IZUMO1R: variants seen among roughly 807,000 people sequenced by gnomAD.
The protein encoded by IZUMO1R is sperm-egg fusion protein Juno.
IZUMO1R carries 24 observed loss-of-function variants against 22.1 expected under a neutral mutation model. That is an observed-to-expected ratio of 1.09 (90% confidence interval 0.79 to 1.53). The LOEUF (loss-of-function observed/expected upper bound fraction) is 1.53, where lower values mean the gene tolerates loss of function less well. IZUMO1R is among the 40% of genes most tolerant of loss of function. The pLI is 0.00. For synonymous variants in IZUMO1R, 133 were observed against 121.2 expected (o/e 1.10, Z -0.64); for missense variants, 308 against 314.9 (o/e 0.98, Z 0.17).
At position 94,307,306 on chromosome 11, in the gene IZUMO1R, T is replaced by C; in HGVS notation, c.484+6T>C. 1.2e-6 allele frequency: 2 copies of C among 1,612,630 alleles called. No homozygotes were observed. Among genetic ancestry groups the C allele is most frequent in the Non-Finnish European group, 1.7e-6 (2 of 1,179,422 alleles). ...TGGCTGGGACTGGAGTCAGGGTGAGTGGTGCTGACAAGGCCTTGGTCGGGA... is the reference window on the plus strand; with the variant it reads ...TGGCTGGGACTGGAGTCAGGGTGAGCGGTGCTGACAAGGCCTTGGTCGGGA... On this transcript the variant is annotated splice_donor_region_variant and intron_variant, in intron 4 of 4. Coordinates refer to ENST00000687084, the MANE Select transcript of IZUMO1R (RefSeq NM_001199206.4).
In IZUMO1R at chr11:94,307,465, T is replaced by C. The variant is rs2134630232; in HGVS notation, c.526T>C (p.Ser176Pro). 1.9e-6 allele frequency: 3 copies of C among 1,613,872 alleles called. No individual in the cohort carries two copies. Among genetic ancestry groups the C allele is most frequent in the Middle Eastern group, 3.3e-4 (2 of 6,062 alleles). The change falls in exon 5 of 5, where the codon TCC becomes CCC. Residue 176 changes from serine to proline, a missense_variant. By Grantham distance (74) the Ser-to-Pro change is moderately conservative. Transcript: ENST00000687084. The stretch of plus-strand genomic sequence containing the variant: ...CAAAGGGGCCCAGTGCCTCCCTTTC[T>C]CCCATTACTTCCCCACCCCAGCTGA... ...CPKGAQCLPF[S>P]HYFPTPADLC...
Position 94,308,122 on chromosome 11 carries a change from T to C in IZUMO1R, c.*430T>C, listed in dbSNP as rs1020273172. Among the ~76,000 whole-genome samples the C allele has an allele frequency of 6.6e-6, 1 of 151,856 alleles. No homozygotes were observed. The highest frequency in any genetic ancestry group is 1.5e-5 in the Non-Finnish European group (1 of 67,994). ...TGGCCTCCCATCCTCCGACGGTGTC[T>C]TCAATAAATCGGCACTCAACCTCTC... On this transcript the variant is annotated 3_prime_UTR_variant, in exon 5 of 5. Coordinates refer to ENST00000687084, the MANE Select transcript of IZUMO1R (RefSeq NM_001199206.4).
rs749623601 is a variant in IZUMO1R at position 94,306,700 on chromosome 11, C to T, written c.326C>T (p.Pro109Leu). The change falls in exon 3 of 5, where the codon CCA (proline) becomes CTA (leucine). Residue 109 changes from proline (P) to leucine (L), a missense_variant. Physicochemically the swap from Pro to Leu is moderately conservative, Grantham distance 98. Coordinates refer to ENST00000687084, the MANE Select transcript of IZUMO1R (RefSeq NM_001199206.4). ...CSPNLGPWIQ[P>L]VGSLGWEVAP... ...CCAAACCTGGGGCCCTGGATCCAGC[C>T]AGTGGGAAGCCTGGGGTGGGAGGTA... 14 of 1,613,856 alleles carry T rather than the reference C, an allele frequency of 8.7e-6. No homozygotes were observed. The highest frequency in any genetic ancestry group is 1.6e-4 in the Middle Eastern group (1 of 6,082).
chr11:94,306,473 C>T (rs964393564), intron 2 of IZUMO1R, 40 bp from the exon 3 acceptor site: 1 of 1,583,562 alleles, frequency 6.3e-7, no homozygotes. Flanking sequence ...CGATCCTTGC[C>T]CCTTTTGCCT....
At chr11:94,305,883 G>T (rs1306643664) in intron 2 of IZUMO1R, 109 bp downstream of exon 2, 4 of 1,305,610 alleles carry the variant, frequency 3.1e-6, no homozygotes, top group Non-Finnish European at 4.2e-6. Flanking sequence ...CCTGGGGTTA[G>T]GAGTTAAGCA....
chr11:94,304,737 G>C lies in IZUMO1R; in HGVS notation c.-149G>C, dbSNP rs1943997330. On this transcript the variant is annotated 5_prime_UTR_variant, in exon 1 of 5. Coordinates refer to ENST00000687084, the MANE Select transcript of IZUMO1R (RefSeq NM_001199206.4). ...GGGTGAGACAGATGCTGTTTAATGA[G>C]AGCCACGTGGAGTTCTCCTCCTGCA... 6.6e-6 allele frequency among the ~76,000 whole-genome samples: 1 copy of C among 152,082 alleles called. No individual in the cohort carries two copies. The highest frequency in any genetic ancestry group is 1.5e-5 in the Non-Finnish European group (1 of 68,022).
chr11:94,307,728 C>A lies in IZUMO1R; in HGVS notation c.*36C>A. On this transcript the variant is annotated 3_prime_UTR_variant, in exon 5 of 5. Coordinates refer to ENST00000687084, the MANE Select transcript of IZUMO1R (RefSeq NM_001199206.4). ...TCTCCCACTCACATTCCTGCATGTC[C>A]ACCAACTGTGGGTCAGGCCAGGCCA... 6.2e-7 allele frequency: 1 copy of A among 1,605,210 alleles called. No individual in the cohort carries two copies. The highest frequency in any genetic ancestry group is 8.5e-7 in the Non-Finnish European group (1 of 1,173,896).
chr11:94,307,420 G>T lies in IZUMO1R; in HGVS notation c.485-4G>T, dbSNP rs751969268. On this transcript the variant is annotated splice_region_variant and splice_polypyrimidine_tract_variant and intron_variant, in intron 4 of 4. Transcript: ENST00000687084. ...GTAAGCTGTCCCTCCTCCATCCCCT[G>T]CAGGGAAGAACCGCTGCCCCAAAGG... 2.5e-6 allele frequency: 4 copies of T among 1,613,788 alleles called. No individual in the cohort carries two copies. The highest frequency in any genetic ancestry group is 3.4e-6 in the Non-Finnish European group (4 of 1,179,790).
At chr11:94,305,556 C>T (rs2134627814) in intron 1 of IZUMO1R, 75 bp from the exon 2 acceptor site, 1 of 1,550,240 alleles carries the variant, frequency 6.5e-7, no homozygotes, top group Non-Finnish European at 8.8e-7. Flanking sequence ...TCCCCCTTTC[C>T]CAGTGCCTGC....
chr11:94,306,464 G>C, intron 2 of IZUMO1R, 49 bp from the exon 3 acceptor site: 1 of 1,564,962 alleles, frequency 6.4e-7, no homozygotes, highest in Non-Finnish European at 8.8e-7. Context: ...GACACTTGCC[G>C]ATCCTTGCCC....
intron 3 of IZUMO1R, 141 bp downstream of exon 3, chr11:94,306,863 T>C: frequency 1.2e-5 from 11 of 889,214 alleles, no homozygotes; most frequent in Non-Finnish European, 1.9e-5. Context: ...CAGAGGCCCC[T>C]GCTGGAGAAT....
At position 94,307,803 on chromosome 11, in the gene IZUMO1R, A is replaced by G. The variant is rs1319919438; in HGVS notation, c.*111A>G. On this transcript the variant is annotated 3_prime_UTR_variant, in exon 5 of 5. Transcript: ENST00000687084. Reference sequence around the variant, plus strand: ...TCCCCTAAAAGCAGTGGCATGGGCTAGGGACTGCAGTCCCACCCAGTCTAG... The same window carrying G: ...TCCCCTAAAAGCAGTGGCATGGGCTGGGGACTGCAGTCCCACCCAGTCTAG... 2 of 894,402 alleles carry G rather than the reference A, an allele frequency of 2.2e-6. No homozygotes were observed. The highest frequency in any genetic ancestry group is 4.9e-5 in the African/African-American group (2 of 41,164). The allele number at this position is 894,402 out of a possible 1,614,324, so 55.4% of individuals were successfully genotyped here. A position where few individuals can be genotyped will look rare whatever the true frequency, so the allele number is the denominator to read the frequency against.
In IZUMO1R at chr11:94,304,769, C is replaced by A. The variant is rs1014215447; in HGVS notation, c.-117C>A. Among the ~76,000 whole-genome samples, 1 of 152,030 alleles carries A rather than the reference C, an allele frequency of 6.6e-6. No individual in the cohort carries two copies. The highest frequency in any genetic ancestry group is 2.4e-5 in the African/African-American group (1 of 41,388). On this transcript the variant is annotated 5_prime_UTR_variant, in exon 1 of 5. Transcript: ENST00000687084. ...GTGGAGTTCTCCTCCTGCACCTGGA[C>A]CTAGTAGAAATCAGACTGGGTAATA...
At position 94,307,776 on chromosome 11, in the gene IZUMO1R, C is replaced by T. The variant is rs561875522; in HGVS notation, c.*84C>T. On this transcript the variant is annotated 3_prime_UTR_variant, in exon 5 of 5. Coordinates refer to ENST00000687084, the MANE Select transcript of IZUMO1R (RefSeq NM_001199206.4). ...CCATGGCCTACCTCCTTCCTCAGGC[C>T]CTCCCCTAAAAGCAGTGGCATGGGC... 1.3e-6 allele frequency: 2 copies of T among 1,490,350 alleles called. No individual in the cohort carries two copies. Among genetic ancestry groups the T allele is most frequent in the South Asian group, 1.2e-5 (1 of 81,288 alleles). 92.3% of individuals were successfully genotyped at this position (1,490,350 alleles called of 1,614,324 possible). A position where few individuals can be genotyped will look rare whatever the true frequency, so the allele number is the denominator to read the frequency against.
At chr11:94,307,127 C>T (rs1379408433) in intron 3 of IZUMO1R, 38 bp from the exon 4 acceptor site, 1 of 1,566,580 alleles carries the variant, frequency 6.4e-7, no homozygotes, top group Non-Finnish European at 8.7e-7. Flanking sequence ...CACATCTCTG[C>T]TATTAATGTT....
chr11:94,304,941 A>G (rs951107896), intron 1 of IZUMO1R, among the ~76,000 whole-genome samples, 62 bp downstream of exon 1: 1 of 152,096 alleles, frequency 6.6e-6, no homozygotes, highest in African/African-American at 2.4e-5. Flanking sequence ...AACAGATCTG[A>G]TTCTTTAAAA....
chr11:94,306,613 G>C lies in IZUMO1R; in HGVS notation c.239G>C (p.Gly80Ala), dbSNP rs182554361. 2.5e-6 allele frequency: 4 copies of C among 1,613,956 alleles called. No homozygotes were observed. The African/African-American group carries it at 4.0e-5, about 16-fold the overall frequency. The change falls in exon 3 of 5, where the codon GGA becomes GCA. Residue 80 changes from glycine (G) to alanine (A), a missense_variant. Transcript: ENST00000687084. The stretch of plus-strand genomic sequence containing the variant: ...TACAACTTCAGCCTGTTTCACTGTG[G>C]ACTGCTGATGCCTGGCTGTCGGAAG... ...PLYNFSLFHCGLLMPGCRKHF... is the reference protein window; with the variant it reads ...PLYNFSLFHCALLMPGCRKHF...
At chr11:94,305,363 G>T (rs542393790) in intron 1 of IZUMO1R, among the ~76,000 whole-genome samples, 1 of 152,174 alleles carries the variant, frequency 6.6e-6, no homozygotes, top group African/African-American at 2.4e-5. Context: ...GATGTAGAAG[G>T]CTCCTCCTAT....
chr11:94,307,393 AG>A (rs778144155), intron 4 of IZUMO1R, 30 bp from the exon 5 acceptor site: 1 of 1,612,718 alleles, frequency 6.2e-7, no homozygotes, highest in African/African-American at 1.3e-5. Context: ...AGGGAGTAGG[AG>A]GTAAGCTGTC....
Sources: gnomAD v4.1 joint callset for allele counts (sites outside exome capture counted in the v4.1 genomes callset) on GRCh38, gnomAD v4.1.1 for gene constraint, MANE v1.5 for transcripts, NCBI Gene and HGNC (gene_info 2026-07-23, HGNC 2026-07-21) for gene names.